Variants in ZBTB16 observed in about 807,000 individuals in gnomAD.
The protein encoded by ZBTB16 is zinc finger and BTB domain-containing protein 16.
Under a neutral mutation model 56.8 loss-of-function variants are expected in ZBTB16, and 8 were observed. That is an observed-to-expected ratio of 0.14 (90% CI 0.08 to 0.25). ZBTB16 has a LOEUF of 0.25. Ranked by LOEUF, ZBTB16 falls within the 10% of genes least tolerant of loss-of-function variation. ZBTB16 has a pLI of 1.00. For synonymous variants in ZBTB16, 363 were observed against 368.5 expected (o/e 0.98, Z 0.17); for missense variants, 625 against 903.0 (o/e 0.69, Z 3.95).
intron 2 of ZBTB16, among the ~76,000 whole-genome samples, chr11:114,155,533 G>A (rs1272571304): frequency 6.6e-6 from 1 of 152,204 alleles, no homozygotes; most frequent in Non-Finnish European, 1.5e-5. Context: ...TGGGACCTTG[G>A]TCTTCCCAGG....
intron 4 of ZBTB16, among the ~76,000 whole-genome samples, chr11:114,192,420 G>A (rs990842389): frequency 1.3e-5 from 2 of 152,224 alleles, no homozygotes; most frequent in Admixed American, 6.5e-5. Context: ...TAGGGAAGGA[G>A]GAATTGATGG....
At chr11:114,082,410 G>A (rs968998340) in intron 2 of ZBTB16, among the ~76,000 whole-genome samples, 3 of 152,228 alleles carry the variant, frequency 2.0e-5, no homozygotes, top group African/African-American at 7.2e-5. Flanking sequence ...TCTGCACAGT[G>A]CCTGTAACAG....
chr11:114,146,626 C>T (rs1347267700), intron 2 of ZBTB16, among the ~76,000 whole-genome samples: 1 of 151,970 alleles, frequency 6.6e-6, no homozygotes, highest in African/African-American at 2.4e-5. Flanking sequence ...GCGGGTGGAT[C>T]GCTTGAGGTC....
intron 4 of ZBTB16, among the ~76,000 whole-genome samples, chr11:114,224,347 G>T (rs1176636523): frequency 6.6e-6 from 1 of 152,196 alleles, no homozygotes; most frequent in South Asian, 2.1e-4. Context: ...CACTTTTCTT[G>T]CTTGGGCAAC....
intron 2 of ZBTB16, among the ~76,000 whole-genome samples, chr11:114,145,191 G>A (rs1942067924): frequency 6.6e-6 from 1 of 152,180 alleles, no homozygotes; most frequent in Non-Finnish European, 1.5e-5. Flanking sequence ...TTGAGAAATT[G>A]GAAACCTCAT....
chr11:114,117,139 G>A (rs552464517), intron 2 of ZBTB16, among the ~76,000 whole-genome samples: 1 of 152,068 alleles, frequency 6.6e-6, no homozygotes, highest in Non-Finnish European at 1.5e-5. Context: ...AACAGCACAC[G>A]CAAAGGCCGG....
chr11:114,242,514 C>T (rs2135200441), intron 5 of ZBTB16, among the ~76,000 whole-genome samples, 177 bp downstream of exon 5: 1 of 152,326 alleles, frequency 6.6e-6, no homozygotes, highest in African/African-American at 2.4e-5. Context: ...CTCCCAGTCC[C>T]CTCCTGTGGA....
intron 4 of ZBTB16, among the ~76,000 whole-genome samples, chr11:114,206,304 G>A (rs1376217105): frequency 6.6e-6 from 1 of 152,210 alleles, no homozygotes; most frequent in East Asian, 1.9e-4. Flanking sequence ...ATGATGCTGA[G>A]CTTCAGAGGG....
At chr11:114,106,453 T>C (rs563164871) in intron 2 of ZBTB16, among the ~76,000 whole-genome samples, 1 of 151,812 alleles carries the variant, frequency 6.6e-6, no homozygotes, top group African/African-American at 2.4e-5. Flanking sequence ...TATACATTGG[T>C]CTATGATTTC....
At chr11:114,113,070 C>A (rs939258939) in intron 2 of ZBTB16, among the ~76,000 whole-genome samples, 7 of 152,192 alleles carry the variant, frequency 4.6e-5, no homozygotes, top group African/African-American at 1.7e-4. Flanking sequence ...CCGCTGCACC[C>A]AGCCCACACA....
intron 4 of ZBTB16, among the ~76,000 whole-genome samples, chr11:114,221,232 A>C (rs1944226759): frequency 6.6e-6 from 1 of 152,150 alleles, no homozygotes; most frequent in African/African-American, 2.4e-5. Context: ...CCCTGGAGAG[A>C]GTTTTCTTTC....
At chr11:114,219,641 A>G (rs1460280155) in intron 4 of ZBTB16, among the ~76,000 whole-genome samples, 1 of 146,464 alleles carries the variant, frequency 6.8e-6, no homozygotes, top group Non-Finnish European at 1.5e-5. Context: ...CTTGCTCTGG[A>G]GGAACTTTAA....
chr11:114,174,464 T>G (rs977501487), intron 3 of ZBTB16, among the ~76,000 whole-genome samples: 1 of 152,152 alleles, frequency 6.6e-6, no homozygotes, highest in Non-Finnish European at 1.5e-5. Flanking sequence ...GCGGATCACC[T>G]GAGATCAGAA....
At chr11:114,098,379 G>A (rs927729603) in intron 2 of ZBTB16, among the ~76,000 whole-genome samples, 1 of 152,134 alleles carries the variant, frequency 6.6e-6, no homozygotes, top group Non-Finnish European at 1.5e-5. Context: ...CTGAAAAAGC[G>A]TAAGTTTGGC....
chr11:114,219,844 G>T (rs1271159897), intron 4 of ZBTB16, among the ~76,000 whole-genome samples: 1 of 152,142 alleles, frequency 6.6e-6, no homozygotes, highest in Non-Finnish European at 1.5e-5. Context: ...GTTGGGCTTG[G>T]GGTCTGGAAG....
chr11:114,097,273 A>T (rs548951055), intron 2 of ZBTB16, among the ~76,000 whole-genome samples: 2 of 152,300 alleles, frequency 1.3e-5, no homozygotes, highest in Admixed American at 6.5e-5. Flanking sequence ...AGAAACACGA[A>T]CTAGAATAGA....
At chr11:114,134,164 C>T (rs572864293) in intron 2 of ZBTB16, among the ~76,000 whole-genome samples, 8 of 152,246 alleles carry the variant, frequency 5.3e-5, no homozygotes, top group Non-Finnish European at 7.4e-5. Context: ...TAGGACTCTG[C>T]GAGCTCACCA....
chr11:114,211,889 A>AG (rs1468037593), intron 4 of ZBTB16, among the ~76,000 whole-genome samples: 2 of 152,116 alleles, frequency 1.3e-5, no homozygotes, highest in Admixed American at 6.5e-5. Context: ...TGGAATGCTG[A>AG]GGGGGGCCTC....
intron 2 of ZBTB16, among the ~76,000 whole-genome samples, chr11:114,118,788 A>G (rs1446173671): frequency 6.6e-6 from 1 of 152,114 alleles, no homozygotes; most frequent in African/African-American, 2.4e-5. Context: ...TGAAGAGACA[A>G]ATGTTTTTAA....
Sources: allele counts gnomAD v4.1 joint callset (sites outside exome capture counted in the v4.1 genomes callset), GRCh38; gene constraint gnomAD v4.1.1; transcripts MANE v1.5; gene names NCBI Gene and HGNC (gene_info 2026-07-23, HGNC 2026-07-21).